Variants in CPEB3 observed in about 807,000 individuals in gnomAD.
The protein encoded by CPEB3 is cytoplasmic polyadenylation element binding protein 3.
In CPEB3, 20 loss-of-function variants were observed where a neutral mutation model predicts 67.2. The observed-to-expected ratio is 0.30, with a 90% CI of 0.21 to 0.43. The LOEUF is 0.43. Ranked by LOEUF, CPEB3 falls within the 20% of genes least tolerant of loss-of-function variation. The pLI is 1.00. For synonymous variants in CPEB3, 376 were observed against 393.1 expected, an observed-to-expected ratio of 0.96 and a Z score of 0.51; for missense variants, 746 against 968.6, an observed-to-expected ratio of 0.77 and a Z score of 3.05.
At chr10:92,144,307 T>C (rs1488510878) in intron 5 of CPEB3, among the ~76,000 whole-genome samples, 1 of 152,208 alleles carries the variant, frequency 6.6e-6, no homozygotes, top group Non-Finnish European at 1.5e-5. Context: ...GGTCTCACTC[T>C]GTCATCCAGG....
At chr10:92,111,002 T>C in intron 7 of CPEB3, 74 bp downstream of exon 7, 1 of 1,050,540 alleles carries the variant, frequency 9.5e-7, no homozygotes, top group Non-Finnish European at 1.5e-6. Context: ...ATTTCCATTA[T>C]CAGAAAGAGG....
chr10:92,253,909 A>C (rs12358721), intron 1 of CPEB3, among the ~76,000 whole-genome samples: 33,761 of 151,992 alleles, frequency 0.22, 4,710 homozygotes, highest in Middle Eastern at 0.34. Context: ...GAGGCACCAA[A>C]TGTAAAGATT....
intron 9 of CPEB3, among the ~76,000 whole-genome samples, chr10:92,072,281 T>C (rs1303497335): frequency 6.6e-6 from 1 of 152,206 alleles, no homozygotes; most frequent in Non-Finnish European, 1.5e-5. Context: ...ATGTTAACCT[T>C]TTTTAAAGTA....
At chr10:92,283,722 CTTTTTTT>C (rs869248048) in intron 1 of CPEB3, among the ~76,000 whole-genome samples, 2 of 108,952 alleles carry the variant, frequency 1.8e-5, no homozygotes, top group Non-Finnish European at 3.8e-5. Flanking sequence ...CTTTTTCTTT[CTTTTTTT>C]TTTTTTTTTT....
chr10:92,147,313 G>T (rs765092587), intron 4 of CPEB3, among the ~76,000 whole-genome samples: 2 of 151,902 alleles, frequency 1.3e-5, no homozygotes, highest in Admixed American at 1.3e-4. Flanking sequence ...AAAATTAGCC[G>T]GGCATGGTGA....
chr10:92,099,724 T>C (rs1418793806), intron 7 of CPEB3, among the ~76,000 whole-genome samples: 2 of 147,496 alleles, frequency 1.4e-5, no homozygotes, highest in African/African-American at 5.0e-5. Flanking sequence ...ATTAGCTGGA[T>C]GTGGTGGCAG....
intron 4 of CPEB3, among the ~76,000 whole-genome samples, chr10:92,177,931 G>C (rs1446196999): frequency 6.6e-6 from 1 of 152,104 alleles, no homozygotes; most frequent in Non-Finnish European, 1.5e-5. Flanking sequence ...GCTTTCCATA[G>C]AGACCTAGGA....
intron 1 of CPEB3, among the ~76,000 whole-genome samples, chr10:92,253,480 A>AAAAAAAG (rs1564910662): frequency 6.7e-6 from 1 of 150,130 alleles, no homozygotes; most frequent in African/African-American, 2.5e-5. Context: ...AAAAAAAAAA[A>AAAAAAAG]AAAAGAAAAG....
At chr10:92,191,533 T>C (rs575385579) in intron 3 of CPEB3, among the ~76,000 whole-genome samples, 1 of 152,308 alleles carries the variant, frequency 6.6e-6, no homozygotes, top group South Asian at 2.1e-4. Flanking sequence ...AAGAAAATGA[T>C]GAAAGAGATT....
At chr10:92,258,102 C>CTTT (rs1171525134) in intron 1 of CPEB3, among the ~76,000 whole-genome samples, 1 of 141,806 alleles carries the variant, frequency 7.1e-6, no homozygotes, top group Non-Finnish European at 1.6e-5. Flanking sequence ...TTTTTCTTTC[C>CTTT]TTTTTTTTTT....
intron 1 of CPEB3, among the ~76,000 whole-genome samples, chr10:92,256,523 G>C (rs1340098370): frequency 6.6e-6 from 1 of 151,724 alleles, no homozygotes; most frequent in Non-Finnish European, 1.5e-5. Flanking sequence ...TGAGTAGCTG[G>C]GACTACAGGC....
chr10:92,241,055 T>A (rs1255681472), intron 1 of CPEB3, among the ~76,000 whole-genome samples: 1 of 151,984 alleles, frequency 6.6e-6, no homozygotes, highest in Non-Finnish European at 1.5e-5. Flanking sequence ...AGACAGTTAA[T>A]TTTAAAAAAA....
intron 2 of CPEB3, among the ~76,000 whole-genome samples, chr10:92,233,269 C>A (rs1465630240): frequency 1.3e-5 from 2 of 152,086 alleles, no homozygotes; most frequent in African/African-American, 2.4e-5. Context: ...TGGCTCACAC[C>A]TCTAATCTCA....
intron 4 of CPEB3, among the ~76,000 whole-genome samples, chr10:92,156,656 TG>T (rs1160027389): frequency 2.0e-5 from 3 of 152,200 alleles, no homozygotes; most frequent in Admixed American, 6.5e-5. Context: ...GAAACAAGTA[TG>T]GTACAAAATA....
At chr10:92,088,917 A>C (rs1413670312) in intron 8 of CPEB3, among the ~76,000 whole-genome samples, 1 of 152,228 alleles carries the variant, frequency 6.6e-6, no homozygotes. Flanking sequence ...AATCATGTTA[A>C]AGAATATAAT....
chr10:92,223,023 C>T (rs1047701992), intron 2 of CPEB3, among the ~76,000 whole-genome samples: 1 of 152,138 alleles, frequency 6.6e-6, no homozygotes, highest in East Asian at 1.9e-4. Context: ...GGTTTCATTT[C>T]TTTTATTGCG....
At chr10:92,228,724 T>G (rs975491294) in intron 2 of CPEB3, among the ~76,000 whole-genome samples, 15 of 151,788 alleles carry the variant, frequency 9.9e-5, no homozygotes, top group African/African-American at 3.6e-4. Flanking sequence ...ATACATTTTT[T>G]TTTTTTTGAG....
Position 92,192,630 on chromosome 10 carries a change from T to A in CPEB3, c.1012A>T (p.Ser338Cys). 1 of 1,587,682 alleles carries A rather than the reference T, an allele frequency of 6.3e-7. No individual in the cohort carries two copies. The highest frequency in any genetic ancestry group is 8.6e-7 in the Non-Finnish European group (1 of 1,168,274). ...AAGTTAAAAGTATCATAGGGCCTAC[T>A]CCGGTCCTAAGAATAAAAACAAAAA... ...GNNLLPFQDR[S>C]RPYDTFNLHS... Residue 338 changes from serine to cysteine, a missense_variant, in exon 3 of 10, where the codon AGT becomes TGT. Ser to Cys is a moderately radical substitution (Grantham distance 112). This residue lies in a region of CPEB3 where 643 missense variants were observed against 717.5 expected (regional missense o/e 0.90). Coordinates refer to ENST00000265997, the MANE Select transcript of CPEB3 (RefSeq NM_014912.5).
intron 7 of CPEB3, 42 bp from the exon 8 acceptor site, chr10:92,091,986 C>T (rs376994406): frequency 8.5e-7 from 1 of 1,179,318 alleles, no homozygotes; most frequent in East Asian, 2.3e-5. Flanking sequence ...TCATTTCCAT[C>T]AACCCCAAAT....
Sources: gnomAD v4.1 joint callset for allele counts (sites outside exome capture counted in the v4.1 genomes callset) on GRCh38, gnomAD v4.1.1 for gene constraint, gnomAD v4.1.1 regional missense constraint, MANE v1.5 for transcripts, NCBI Gene and HGNC (gene_info 2026-07-23, HGNC 2026-07-21) for gene names.